Variants in KCND2 observed in about 807,000 individuals in gnomAD.
The protein encoded by KCND2 is potassium voltage-gated channel subfamily D member 2.
A neutral mutation model predicts 54.4 loss-of-function variants in KCND2; 16 were observed. That is an observed-to-expected ratio of 0.29 (90% CI 0.20 to 0.45). The LOEUF is 0.45. Among genes scored for constraint, KCND2 ranks in the 20% least tolerant of loss-of-function variants. KCND2 has a pLI of 1.00. For missense variants in KCND2, 486 were observed against 824.2 expected, an observed-to-expected ratio of 0.59 and a Z score of 5.02; for synonymous variants, 317 against 310.7, an observed-to-expected ratio of 1.02 and a Z score of -0.21.
intron 1 of KCND2, among the ~76,000 whole-genome samples, chr7:120,670,740 C>A (rs1360514979): frequency 6.6e-6 from 1 of 151,908 alleles, no homozygotes; most frequent in African/African-American, 2.4e-5. Context: ...CACGGTGAAA[C>A]CCCGTCTCTA....
intron 1 of KCND2, among the ~76,000 whole-genome samples, chr7:120,397,985 GTGTGTGTGTGTATATATA>G (rs1241703715): frequency 3.1e-3 from 115 of 36,874 alleles, no homozygotes; most frequent in Non-Finnish European, 6.6e-3. Context: ...GTGTGTGTGT[GTGTGTGTGTGTATATATA>G]TATATATATA....
Position 120,379,246 on chromosome 7 carries a change from A to G in KCND2, c.1115+103499A>G, listed in dbSNP as rs547498444. On this transcript the variant is annotated intron_variant, in intron 1 of 5. Coordinates refer to ENST00000331113, the MANE Select transcript of KCND2 (RefSeq NM_012281.3). ...CACTGATAATATTTTGGTTATTGGC[A>G]TACCAGCATAGAAGAAGTCTTTCAT... is the stretch of plus-strand genomic sequence containing the variant. Among the ~76,000 whole-genome samples, 4 of 152,162 alleles carry G rather than the reference A, an allele frequency of 2.6e-5. No homozygotes were observed. The South Asian group carries it at 8.3e-4, about 32-fold the overall frequency.
At chr7:120,662,602 T>C (rs1191650689) in intron 1 of KCND2, among the ~76,000 whole-genome samples, 1 of 152,220 alleles carries the variant, frequency 6.6e-6, no homozygotes, top group East Asian at 1.9e-4. Flanking sequence ...TGAAGTAACA[T>C]ATCAAATAGA....
At chr7:120,311,324 T>C (rs779328515) in intron 1 of KCND2, among the ~76,000 whole-genome samples, 1 of 152,192 alleles carries the variant, frequency 6.6e-6, no homozygotes, top group African/African-American at 2.4e-5. Context: ...AAATTGCCTT[T>C]GTTATAAAAA....
chr7:120,519,796 A>T (rs1393177113), intron 1 of KCND2, among the ~76,000 whole-genome samples: 1 of 152,096 alleles, frequency 6.6e-6, no homozygotes, highest in East Asian at 1.9e-4. Flanking sequence ...AATGAAATCT[A>T]TTTTTATGTA....
intron 1 of KCND2, among the ~76,000 whole-genome samples, chr7:120,414,500 A>G (rs768922291): frequency 3.3e-5 from 5 of 152,278 alleles, no homozygotes; most frequent in Non-Finnish European, 7.4e-5. Context: ...GTTTAACTGA[A>G]TGGTCTTATG....
chr7:120,334,880 C>T (rs1174675015), intron 1 of KCND2, among the ~76,000 whole-genome samples: 1 of 151,952 alleles, frequency 6.6e-6, no homozygotes, highest in East Asian at 1.9e-4. Flanking sequence ...AGCATTTTTT[C>T]CTTTTGCCAG....
chr7:120,387,570 T>G (rs1395761765), intron 1 of KCND2, among the ~76,000 whole-genome samples: 1 of 152,038 alleles, frequency 6.6e-6, no homozygotes, highest in African/African-American at 2.4e-5. Context: ...TGGAAGCTAT[T>G]AAGAAAGCAG....
At chr7:120,670,332 G>T (rs964939931) in intron 1 of KCND2, among the ~76,000 whole-genome samples, 8 of 151,994 alleles carry the variant, frequency 5.3e-5, no homozygotes, top group African/African-American at 1.9e-4. Flanking sequence ...ATGTGCTAAT[G>T]CTTACCATTT....
chr7:120,578,261 C>T (rs917447218), intron 1 of KCND2, among the ~76,000 whole-genome samples: 2 of 151,970 alleles, frequency 1.3e-5, no homozygotes, highest in African/African-American at 4.8e-5. Flanking sequence ...GTGCTCCATC[C>T]TGGGTAATGT....
chr7:120,742,666 T>C (rs1792957625), intron 4 of KCND2, 64 bp downstream of exon 4: 1 of 1,222,200 alleles, frequency 8.2e-7, no homozygotes, highest in African/African-American at 1.5e-5. Context: ...CTTTTGTGCA[T>C]ACTTAATGCT....
At chr7:120,502,537 C>A (rs1413143657) in intron 1 of KCND2, among the ~76,000 whole-genome samples, 1 of 152,026 alleles carries the variant, frequency 6.6e-6, no homozygotes, top group African/African-American at 2.4e-5. Flanking sequence ...TTGCTTACTC[C>A]TTCAGCAACA....
At position 120,594,224 on chromosome 7, in the gene KCND2, C is replaced by A. The variant is rs569952593; in HGVS notation, c.1116-138679C>A. Among the ~76,000 whole-genome samples the A allele has an allele frequency of 3.3e-5, 5 of 152,296 alleles. No individual in the cohort carries two copies. The East Asian group carries it at 9.6e-4, about 29-fold the overall frequency. On this transcript the variant is annotated intron_variant, in intron 1 of 5. Transcript: ENST00000331113. ...GATTTCATGAAATCTGTACTTTGAA[C>A]AAGTTTCTCACAGTAAAGGCACACA...
At chr7:120,714,270 A>G (rs79441279) in intron 1 of KCND2, among the ~76,000 whole-genome samples, 2,955 of 152,120 alleles carry the variant, frequency 0.019, 32 homozygotes, top group African/African-American at 0.027. Flanking sequence ...TTCCCAGCTA[A>G]AGTTGGTGAG....
At chr7:120,565,325 T>C (rs1792283445) in intron 1 of KCND2, among the ~76,000 whole-genome samples, 1 of 152,186 alleles carries the variant, frequency 6.6e-6, no homozygotes, top group South Asian at 2.1e-4. Context: ...TTAAAAAGTA[T>C]AATTGTATTG....
intron 1 of KCND2, among the ~76,000 whole-genome samples, chr7:120,658,340 C>A (rs1461769756): frequency 1.3e-5 from 2 of 152,084 alleles, no homozygotes; most frequent in South Asian, 2.1e-4. Flanking sequence ...GAATAAGCCC[C>A]AAAACATGAA....
At chr7:120,412,956 G>A (rs932456914) in intron 1 of KCND2, among the ~76,000 whole-genome samples, 3 of 151,982 alleles carry the variant, frequency 2.0e-5, no homozygotes, top group Non-Finnish European at 4.4e-5. Context: ...ACTTGTTCTT[G>A]TGTTCACATG....
chr7:120,389,129 G>A (rs1373783218), intron 1 of KCND2, among the ~76,000 whole-genome samples: 1 of 151,472 alleles, frequency 6.6e-6, no homozygotes, highest in Non-Finnish European at 1.5e-5. Flanking sequence ...TGCCAAATAG[G>A]GGAAAAAAAA....
intron 1 of KCND2, among the ~76,000 whole-genome samples, chr7:120,409,493 C>T (rs529205199): frequency 2.2e-4 from 34 of 151,860 alleles, no homozygotes; most frequent in East Asian, 9.7e-4. Flanking sequence ...AATTTTTTGC[C>T]GCATTTTGCA....
Sources: gnomAD v4.1 joint callset for allele counts (sites outside exome capture counted in the v4.1 genomes callset) on GRCh38, gnomAD v4.1.1 for gene constraint, MANE v1.5 for transcripts, NCBI Gene and HGNC (gene_info 2026-07-23, HGNC 2026-07-21) for gene names.